FOXN2: variants seen among roughly 807,000 people sequenced by gnomAD.
The protein encoded by FOXN2 is forkhead box N2.
Under a neutral mutation model 41.2 loss-of-function variants are expected in FOXN2, and 19 were observed. That is an observed-to-expected ratio of 0.46 (90% CI 0.32 to 0.68). The LOEUF is 0.68. FOXN2 is among the 30% of genes least tolerant of loss of function. The probability of loss-of-function intolerance (pLI) is 0.03; values close to 1 mark genes in which losing one functional copy is unlikely to be tolerated. For missense variants in FOXN2, 587 were observed against 509.4 expected, an observed-to-expected ratio of 1.15 and a Z score of -1.47; for synonymous variants, 195 against 176.8, an observed-to-expected ratio of 1.10 and a Z score of -0.82.
chr2:48,344,892 A>G (rs763269303), intron 2 of FOXN2, among the ~76,000 whole-genome samples: 1 of 141,576 alleles, frequency 7.1e-6, no homozygotes, highest in Non-Finnish European at 1.5e-5. Context: ...GTTGAATAGG[A>G]TAATAGTCGG....
At chr2:48,326,062 C>G (rs1025120701) in intron 1 of FOXN2, among the ~76,000 whole-genome samples, 4 of 152,016 alleles carry the variant, frequency 2.6e-5, no homozygotes, top group African/African-American at 9.7e-5. Context: ...ATTGGCCAGG[C>G]CAGTCTCAAA....
chr2:48,347,220 C>CTTTTTTTTTTT (rs751958598), intron 3 of FOXN2, among the ~76,000 whole-genome samples: 6 of 75,736 alleles, frequency 7.9e-5, no homozygotes, highest in African/African-American at 1.6e-4. Context: ...TGTTTTGGTG[C>CTTTTTTTTTTT]TTTTTTTTTT....
chr2:48,378,937 A>G lies in FOXN2; in HGVS notation c.*3494A>G, dbSNP rs1673411988. 6.6e-6 allele frequency: 1 copy of G among 152,600 alleles called. No individual in the cohort carries two copies. The highest frequency in any genetic ancestry group is 2.1e-4 in the South Asian group (1 of 4,838). The allele number at this position is 152,600 out of a possible 1,614,324, so 9.5% of individuals were successfully genotyped here. On this transcript the variant is annotated 3_prime_UTR_variant, in exon 7 of 7. Coordinates refer to ENST00000340553, the MANE Select transcript of FOXN2 (RefSeq NM_002158.4). ...CTTAATTTTAAAGTATTATGTTGCCATCATATAGTGTATAAAAATGTATAA... is the reference window on the plus strand; with the variant it reads ...CTTAATTTTAAAGTATTATGTTGCCGTCATATAGTGTATAAAAATGTATAA...
chr2:48,364,014 T>A (rs1350542909), intron 5 of FOXN2, among the ~76,000 whole-genome samples: 2 of 152,196 alleles, frequency 1.3e-5, no homozygotes, highest in Non-Finnish European at 2.9e-5. Context: ...ATCTCCTACC[T>A]CAGCTTCCCA....
intron 3 of FOXN2, among the ~76,000 whole-genome samples, chr2:48,351,328 A>C (rs1671435386): frequency 6.6e-6 from 1 of 152,174 alleles, no homozygotes; most frequent in African/African-American, 2.4e-5. Flanking sequence ...CCCAGGCTGG[A>C]GTGCAGTGGT....
chr2:48,325,698 T>C (rs1669616529), intron 1 of FOXN2, among the ~76,000 whole-genome samples: 1 of 152,150 alleles, frequency 6.6e-6, no homozygotes, highest in Non-Finnish European at 1.5e-5. Flanking sequence ...GCTCTGCCCT[T>C]ATGAAGCTTT....
At chr2:48,337,877 A>G (rs1434461384) in intron 2 of FOXN2, among the ~76,000 whole-genome samples, 2 of 152,216 alleles carry the variant, frequency 1.3e-5, no homozygotes, top group African/African-American at 4.8e-5. Flanking sequence ...TTTTTCCAGT[A>G]TAGCAGGAGA....
chr2:48,378,719 A>T lies in FOXN2; in HGVS notation c.*3276A>T, dbSNP rs1435678096. ...TTTTTTTTTTAGTTTGAAATGTGTA[A>T]GCTTTGATTTAAACCAAGTTTACTT... On this transcript the variant is annotated 3_prime_UTR_variant, in exon 7 of 7. Transcript: ENST00000340553. The T allele has an allele frequency of 6.6e-6, 1 of 151,214 alleles. No individual in the cohort carries two copies. The highest frequency in any genetic ancestry group is 1.5e-5 in the Non-Finnish European group (1 of 67,704). The allele number at this position is 151,214 out of a possible 1,614,324, so 9.4% of individuals were successfully genotyped here. A position where few individuals can be genotyped will look rare whatever the true frequency, so the allele number is the denominator to read the frequency against.
chr2:48,335,647 A>G (rs1670289690), intron 2 of FOXN2, among the ~76,000 whole-genome samples: 1 of 152,252 alleles, frequency 6.6e-6, no homozygotes, highest in Admixed American at 6.5e-5. Flanking sequence ...TCTGAGATTT[A>G]AGAAGAAATG....
At chr2:48,331,436 G>C (rs1185749885) in intron 2 of FOXN2, among the ~76,000 whole-genome samples, 1 of 152,172 alleles carries the variant, frequency 6.6e-6, no homozygotes, top group African/African-American at 2.4e-5. Flanking sequence ...TAAAGGTATT[G>C]AACTCATAAT....
chr2:48,375,082 A>C lies in FOXN2; in HGVS notation c.935A>C (p.Gln312Pro). The C allele has an allele frequency of 6.2e-7, 1 of 1,614,110 alleles. No homozygotes were observed. The change falls in exon 7 of 7, where the codon CAG (glutamine) becomes CCG (proline). Residue 312 changes from glutamine (Q) to proline (P), a missense_variant. Transcript: ENST00000340553. ...HNYSASSMAA[Q>P]RCASRSSVSS... Reference sequence around the variant, plus strand: ...TACAGTGCAAGTAGCATGGCAGCACAGCGTTGTGCATCCAGGTCTAGCGTG... The same window carrying C: ...TACAGTGCAAGTAGCATGGCAGCACCGCGTTGTGCATCCAGGTCTAGCGTG...
chr2:48,346,057 T>C (rs1273816597), intron 2 of FOXN2, 144 bp from the exon 3 acceptor site: 1 of 655,970 alleles, frequency 1.5e-6, no homozygotes, highest in Non-Finnish European at 2.6e-6. Flanking sequence ...AGTATCTTCA[T>C]TATACAAATG....
Position 48,323,119 on chromosome 2 carries a change from A to G in FOXN2, c.-156-5442A>G, listed in dbSNP as rs1022967478. The stretch of plus-strand genomic sequence containing the variant: ...GGATTGGATGAGGTGGACTTTAGTC[A>G]TGATGGAGGTTTTTTATTGGTGTAT... On this transcript the variant is annotated intron_variant, in intron 1 of 6. Coordinates refer to ENST00000340553, the MANE Select transcript of FOXN2 (RefSeq NM_002158.4). 1.5e-4 allele frequency among the ~76,000 whole-genome samples: 23 copies of G among 152,162 alleles called. No individual in the cohort carries two copies. The South Asian group carries it at 2.5e-3, about 16-fold the overall frequency.
chr2:48,325,176 G>C (rs1669579585), intron 1 of FOXN2, among the ~76,000 whole-genome samples: 1 of 152,164 alleles, frequency 6.6e-6, no homozygotes, highest in Non-Finnish European at 1.5e-5. Flanking sequence ...GTGTAGCAGT[G>C]AATAGTGTGA....
chr2:48,354,663 T>G (rs921259989), intron 3 of FOXN2, among the ~76,000 whole-genome samples: 2 of 152,240 alleles, frequency 1.3e-5, no homozygotes, highest in African/African-American at 4.8e-5. Context: ...GCTGTTTAGC[T>G]TTTGCTAAAT....
At chr2:48,322,065 C>G (rs1156625578) in intron 1 of FOXN2, among the ~76,000 whole-genome samples, 1 of 152,156 alleles carries the variant, frequency 6.6e-6, no homozygotes, top group Admixed American at 6.5e-5. Flanking sequence ...TCTTTCTCAG[C>G]CCCTGGAGTA....
intron 3 of FOXN2, among the ~76,000 whole-genome samples, chr2:48,350,861 TG>T (rs1248874625): frequency 1.3e-5 from 2 of 152,230 alleles, no homozygotes; most frequent in Admixed American, 6.5e-5. Flanking sequence ...ATTTGGGTGT[TG>T]TTTTTTTCTT....
intron 2 of FOXN2, among the ~76,000 whole-genome samples, chr2:48,343,286 C>T (rs1670888951): frequency 6.6e-6 from 1 of 151,996 alleles, no homozygotes; most frequent in Non-Finnish European, 1.5e-5. Flanking sequence ...TAGGATGTTT[C>T]CTACCATTAA....
chr2:48,374,223 G>A (rs929456964), intron 6 of FOXN2, among the ~76,000 whole-genome samples: 7 of 152,078 alleles, frequency 4.6e-5, no homozygotes, highest in African/African-American at 7.2e-5. Flanking sequence ...CAGTTCAACC[G>A]GAAAGTCAGC....
Sources: allele counts gnomAD v4.1 joint callset (sites outside exome capture counted in the v4.1 genomes callset), GRCh38; gene constraint gnomAD v4.1.1; transcripts MANE v1.5; gene names NCBI Gene and HGNC (gene_info 2026-07-23, HGNC 2026-07-21).